Variants in ANO2 observed in about 807,000 individuals in gnomAD.
The protein encoded by ANO2 is anoctamin 2, also known as anoctamin-2.
Under a neutral mutation model 124.2 loss-of-function variants are expected in ANO2, and 101 were observed. That is an observed-to-expected ratio of 0.81 (90% confidence interval 0.69 to 0.96). ANO2 has a LOEUF of 0.96. Among genes scored for constraint, ANO2 ranks in the 40% least tolerant of loss-of-function variants. ANO2 has a pLI of 0.00. For synonymous variants in ANO2, 486 were observed against 482.5 expected (o/e 1.01, Z -0.09); for missense variants, 1,293 against 1,274.5 (o/e 1.01, Z -0.22).
intron 7 of ANO2, among the ~76,000 whole-genome samples, chr12:5,811,786 C>G (rs943401586): frequency 6.6e-6 from 1 of 152,180 alleles, no homozygotes; most frequent in African/African-American, 2.4e-5. Flanking sequence ...CACTCCCACA[C>G]TTCCACCACA....
intron 4 of ANO2, among the ~76,000 whole-genome samples, chr12:5,845,487 A>G (rs1954652881): frequency 1.3e-5 from 2 of 150,846 alleles, no homozygotes; most frequent in African/African-American, 4.9e-5. Context: ...GAATGGCATC[A>G]ACTCAGGAGG....
intron 13 of ANO2, among the ~76,000 whole-genome samples, chr12:5,737,498 A>ACT (rs1950919935): frequency 6.6e-6 from 1 of 152,366 alleles, no homozygotes; most frequent in East Asian, 1.9e-4. Flanking sequence ...CTATGTTTAC[A>ACT]CTTGCTCTCT....
chr12:5,857,772 T>TA (rs1955144629), intron 3 of ANO2, among the ~76,000 whole-genome samples: 1 of 148,290 alleles, frequency 6.7e-6, no homozygotes, highest in Non-Finnish European at 1.5e-5. Flanking sequence ...AAAAGAAATG[T>TA]GATAGATAGA....
chr12:5,732,901 A>G lies in ANO2; in HGVS notation c.1435-271T>C, dbSNP rs756283583. On this transcript the variant is annotated intron_variant, in intron 13 of 24. Coordinates refer to ENST00000682330, the MANE Select transcript of ANO2 (RefSeq NM_001364791.2). Reference sequence around the variant, plus strand: ...TCCTGGGGATAGCGCCGGTGTTGAGAAAAAGAGAGGAAATGTTAACTGGAT... The same window carrying G: ...TCCTGGGGATAGCGCCGGTGTTGAGGAAAAGAGAGGAAATGTTAACTGGAT... 2.5e-6 allele frequency: 4 copies of G among 1,613,888 alleles called. No individual in the cohort carries two copies. In the East Asian group the frequency reaches 8.9e-5, roughly 36 times the overall value.
In ANO2 at chr12:5,599,593, CT is replaced by C; in HGVS notation, c.2123del (p.Glu708GlyfsTer20). On this transcript the variant is annotated frameshift_variant, in exon 20 of 25. Transcript: ENST00000682330. LOFTEE classifies it high-confidence loss of function. Reference sequence around the variant, plus strand: ...CAGAGTCAGTTTCTCCAGCTTCGGTCTCATCTTTCAGCTTTCGAAATAGTTT... The same window carrying C: ...CAGAGTCAGTTTCTCCAGCTTCGGTCCATCTTTCAGCTTTCGAAATAGTTT... The part of the protein sequence containing the change: ...LKKLFRKLKD[E>X]TEAGETDSAH... 6.2e-7 allele frequency: 1 copy of C among 1,613,810 alleles called. No individual in the cohort carries two copies. The highest frequency in any genetic ancestry group is 8.5e-7 in the Non-Finnish European group (1 of 1,179,846).
chr12:5,850,490 C>T (rs1016263675), intron 4 of ANO2, among the ~76,000 whole-genome samples: 2 of 151,896 alleles, frequency 1.3e-5, no homozygotes, highest in Non-Finnish European at 2.9e-5. Flanking sequence ...AAAACAGTCC[C>T]CCTGAGTCGA....
chr12:5,577,162 C>T (rs1430547568), intron 22 of ANO2, among the ~76,000 whole-genome samples: 1 of 152,252 alleles, frequency 6.6e-6, no homozygotes, highest in Non-Finnish European at 1.5e-5. Flanking sequence ...GCACTTCCTA[C>T]ATCACAACAT....
intron 5 of ANO2, 73 bp downstream of exon 5, chr12:5,832,379 G>A: frequency 6.4e-7 from 1 of 1,564,294 alleles, no homozygotes; most frequent in South Asian, 1.2e-5. Context: ...CCCCAGGGCT[G>A]AGTCATAGAA....
At chr12:5,685,565 G>T (rs1948668706) in intron 14 of ANO2, among the ~76,000 whole-genome samples, 1 of 152,218 alleles carries the variant, frequency 6.6e-6, no homozygotes, top group Admixed American at 6.5e-5. Flanking sequence ...TGGTAGATCA[G>T]TTGAGCCCAG....
chr12:5,820,092 G>A (rs1417524424), intron 7 of ANO2, among the ~76,000 whole-genome samples: 2 of 152,182 alleles, frequency 1.3e-5, no homozygotes, highest in East Asian at 3.8e-4. Flanking sequence ...GAGAATCATG[G>A]CCCATCAATC....
intron 12 of ANO2, among the ~76,000 whole-genome samples, chr12:5,741,345 T>C (rs573472144): frequency 1.3e-5 from 2 of 152,354 alleles, no homozygotes; most frequent in Non-Finnish European, 2.9e-5. Flanking sequence ...CTGATGTGCA[T>C]GTTTTCATCT....
intron 14 of ANO2, among the ~76,000 whole-genome samples, chr12:5,678,794 T>G (rs945149687): frequency 6.6e-6 from 1 of 152,226 alleles, no homozygotes; most frequent in African/African-American, 2.4e-5. Context: ...AGCTTAAAAT[T>G]TGCAGATATC....
At chr12:5,795,336 C>T (rs1309864381) in intron 10 of ANO2, among the ~76,000 whole-genome samples, 1 of 152,230 alleles carries the variant, frequency 6.6e-6, no homozygotes, top group Non-Finnish European at 1.5e-5. Context: ...AACTCCAGAG[C>T]TTCCACATGG....
At chr12:5,582,568 AGAAGATTTTGATG>A (rs1942811295) in intron 20 of ANO2, among the ~76,000 whole-genome samples, 1 of 152,234 alleles carries the variant, frequency 6.6e-6, no homozygotes. Flanking sequence ...GGATTGGTGG[AGAAGATTTTGATG>A]GAATACAATT....
At chr12:5,721,440 G>C (rs1055288409) in intron 14 of ANO2, among the ~76,000 whole-genome samples, 1 of 150,522 alleles carries the variant, frequency 6.6e-6, no homozygotes, top group East Asian at 1.9e-4. Context: ...GCTCTTGGCT[G>C]TCTGCTTTAC....
At chr12:5,682,476 T>C (rs1037717147) in intron 14 of ANO2, among the ~76,000 whole-genome samples, 1 of 151,920 alleles carries the variant, frequency 6.6e-6, no homozygotes, top group East Asian at 1.9e-4. Flanking sequence ...TGGGTAGTAA[T>C]GGGTCTGAGA....
intron 8 of ANO2, 140 bp from the exon 9 acceptor site, chr12:5,806,233 T>C (rs1953188470): frequency 3.6e-6 from 3 of 826,634 alleles, no homozygotes; most frequent in Non-Finnish European, 5.6e-6. Context: ...AAGCATGGCA[T>C]GGTAAGGGGC....
intron 14 of ANO2, among the ~76,000 whole-genome samples, chr12:5,660,390 ACTCCATCTCAGCC>A (rs1947377206): frequency 6.8e-6 from 1 of 147,344 alleles, no homozygotes; most frequent in Non-Finnish European, 1.5e-5. Context: ...TCTTTTGTAT[ACTCCATCTCAGCC>A]ACACTGGCTT....
chr12:5,763,633 CAG>C (rs1214380979), intron 10 of ANO2, among the ~76,000 whole-genome samples: 2 of 151,934 alleles, frequency 1.3e-5, no homozygotes, highest in African/African-American at 2.4e-5. Context: ...CAAAGAAAAT[CAG>C]AAAATATTTT....
Sources: allele counts gnomAD v4.1 joint callset (sites outside exome capture counted in the v4.1 genomes callset), GRCh38; gene constraint gnomAD v4.1.1; transcripts MANE v1.5; gene names NCBI Gene and HGNC (gene_info 2026-07-23, HGNC 2026-07-21).